CAMTA1: variants seen among roughly 807,000 people sequenced by gnomAD.
The protein encoded by CAMTA1 is calmodulin binding transcription activator 1.
A neutral mutation model predicts 170.9 loss-of-function variants in CAMTA1; 27 were observed. The observed-to-expected ratio is 0.16, with a 90% CI of 0.12 to 0.22. CAMTA1 has a LOEUF of 0.22. CAMTA1 is among the 10% of genes least tolerant of loss of function. The pLI, the probability that CAMTA1 is intolerant of heterozygous loss-of-function variation, is 1.00. For missense variants in CAMTA1, 1,619 were observed against 2,217.2 expected, an observed-to-expected ratio of 0.73 and a Z score of 5.42; for synonymous variants, 833 against 891.5, an observed-to-expected ratio of 0.93 and a Z score of 1.17.
intron 5 of CAMTA1, among the ~76,000 whole-genome samples, chr1:7,374,869 A>G (rs2086728755): frequency 6.6e-6 from 1 of 152,212 alleles, no homozygotes; most frequent in African/African-American, 2.4e-5. Context: ...TCGCAGAGCT[A>G]GTCGGCAGCG....
chr1:6,851,238 C>T (rs953349908), intron 3 of CAMTA1, among the ~76,000 whole-genome samples: 1 of 152,052 alleles, frequency 6.6e-6, no homozygotes, highest in Non-Finnish European at 1.5e-5. Flanking sequence ...CCACCCCCTC[C>T]CCAGTAGAAA....
chr1:7,686,025 C>A (rs755279094), intron 11 of CAMTA1, among the ~76,000 whole-genome samples: 1 of 152,206 alleles, frequency 6.6e-6, no homozygotes, highest in Non-Finnish European at 1.5e-5. Flanking sequence ...TCTGCCACCA[C>A]CTTAATTCAG....
chr1:7,450,358 T>TA (rs1009247400), intron 5 of CAMTA1, among the ~76,000 whole-genome samples: 4 of 152,208 alleles, frequency 2.6e-5, no homozygotes, highest in African/African-American at 9.7e-5. Flanking sequence ...GAGACTTCCC[T>TA]AAAAATCCAG....
chr1:6,964,091 G>A (rs544198492), intron 3 of CAMTA1, among the ~76,000 whole-genome samples: 1 of 152,212 alleles, frequency 6.6e-6, no homozygotes, highest in East Asian at 1.9e-4. Context: ...GCAGTGTCCT[G>A]GGTGCTTTGG....
chr1:7,542,819 C>T (rs1246132550), intron 6 of CAMTA1, among the ~76,000 whole-genome samples: 3 of 146,816 alleles, frequency 2.0e-5, no homozygotes, highest in Non-Finnish European at 4.5e-5. Context: ...TGTAAGCCAC[C>T]ACGCCTGGCC....
chr1:7,287,227 G>C (rs1199866808), intron 5 of CAMTA1, among the ~76,000 whole-genome samples: 1 of 152,142 alleles, frequency 6.6e-6, no homozygotes, highest in Admixed American at 6.5e-5. Context: ...GAGCAGCCAG[G>C]GGGAGACAGG....
At chr1:7,755,974 C>T (rs962150004) in intron 22 of CAMTA1, among the ~76,000 whole-genome samples, 1 of 152,138 alleles carries the variant, frequency 6.6e-6, no homozygotes, top group Non-Finnish European at 1.5e-5. Context: ...GGCTGGCAGG[C>T]CACGTACACG....
intron 3 of CAMTA1, among the ~76,000 whole-genome samples, chr1:6,873,267 T>A (rs965959903): frequency 1.4e-4 from 21 of 151,888 alleles, no homozygotes; most frequent in South Asian, 8.3e-4. Flanking sequence ...TTTTTTTTTT[T>A]AAATAATGCT....
At chr1:7,355,321 G>A (rs749481094) in intron 5 of CAMTA1, among the ~76,000 whole-genome samples, 1 of 151,856 alleles carries the variant, frequency 6.6e-6, no homozygotes, top group South Asian at 2.1e-4. Context: ...GGGGGTCAAG[G>A]CTGCAGTGAG....
chr1:7,270,272 C>T (rs796990168), intron 5 of CAMTA1, among the ~76,000 whole-genome samples: 451 of 36,422 alleles, frequency 0.012, 1 homozygote, highest in African/African-American at 0.035. Context: ...CACACACACA[C>T]ACATATATAT....
At chr1:6,949,766 A>G (rs1214757311) in intron 3 of CAMTA1, among the ~76,000 whole-genome samples, 1 of 152,268 alleles carries the variant, frequency 6.6e-6, no homozygotes, top group Non-Finnish European at 1.5e-5. Context: ...AAAAGATGAC[A>G]TTAACGTTGC....
chr1:7,387,819 T>A (rs982029363), intron 5 of CAMTA1, among the ~76,000 whole-genome samples: 1 of 152,218 alleles, frequency 6.6e-6, no homozygotes, highest in African/African-American at 2.4e-5. Context: ...TCCAGCAAGA[T>A]CTGTCTTCTT....
intron 3 of CAMTA1, among the ~76,000 whole-genome samples, chr1:6,884,976 T>C (rs921600998): frequency 6.6e-6 from 1 of 152,246 alleles, no homozygotes; most frequent in African/African-American, 2.4e-5. Flanking sequence ...GCTTACTCAT[T>C]ACATACATTT....
intron 6 of CAMTA1, among the ~76,000 whole-genome samples, chr1:7,531,220 C>T (rs999490483): frequency 1.3e-5 from 2 of 152,020 alleles, no homozygotes; most frequent in African/African-American, 2.4e-5. Flanking sequence ...AGTAAAGTCC[C>T]GGTGAGAGCA....
Position 7,641,950 on chromosome 1 carries a change from C to G in CAMTA1, c.664+1397C>G, listed in dbSNP as rs1428156638. Among the ~76,000 whole-genome samples the G allele has an allele frequency of 6.6e-6, 1 of 152,110 alleles. No homozygotes were observed. The highest frequency in any genetic ancestry group is 6.5e-5 in the Admixed American group (1 of 15,280). ...CTCCTGAGCACAGCCTGCAGCCCCC[C>G]CACCCGCAGCCCCCGGCCTCTGCAG... On this transcript the variant is annotated intron_variant, in intron 7 of 22. Coordinates refer to ENST00000303635, the MANE Select transcript of CAMTA1 (RefSeq NM_015215.4). The surrounding 1 kb of genome is among the most constrained non-coding windows in gnomAD (Gnocchi z 4.5).
At chr1:7,688,411 G>A (rs1352860536) in intron 11 of CAMTA1, among the ~76,000 whole-genome samples, 5 of 152,138 alleles carry the variant, frequency 3.3e-5, no homozygotes, top group Admixed American at 2.0e-4. Flanking sequence ...CAGAGAGACC[G>A]GTCAGGGAAT....
At chr1:7,119,218 T>G (rs1644505066) in intron 4 of CAMTA1, among the ~76,000 whole-genome samples, 1 of 152,144 alleles carries the variant, frequency 6.6e-6, no homozygotes, top group South Asian at 2.1e-4. Flanking sequence ...TTTGGTGCAG[T>G]CTCTCCCCAA....
chr1:7,064,153 C>CCCT lies in CAMTA1; in HGVS notation c.235-27140_235-27138dup, dbSNP rs1209006238. Among the ~76,000 whole-genome samples, 1 of 150,562 alleles carries CCCT rather than the reference C, an allele frequency of 6.6e-6. No individual in the cohort carries two copies. Among genetic ancestry groups the CCCT allele is most frequent in the African/African-American group, 2.4e-5 (1 of 40,908 alleles). On this transcript the variant is annotated intron_variant, in intron 3 of 22. Transcript: ENST00000303635. This position sits in a 1 kb window ranked among gnomAD's most constrained non-coding sequence, Gnocchi z 5.4. ...TTCTCCTCCTCCTCCTTCTCTTCTT[C>CCCT]CCTCCTCCTCCTCTTCCTTCTTCTT...
At chr1:7,446,924 G>A (rs993424864) in intron 5 of CAMTA1, among the ~76,000 whole-genome samples, 1 of 152,184 alleles carries the variant, frequency 6.6e-6, no homozygotes, top group Non-Finnish European at 1.5e-5. Flanking sequence ...GGCAGGACAT[G>A]TGGCAGCCAC....
Sources: allele counts gnomAD v4.1 joint callset (sites outside exome capture counted in the v4.1 genomes callset), GRCh38; gene constraint gnomAD v4.1.1; non-coding constraint Gnocchi (gnomAD v3.1); transcripts MANE v1.5; gene names NCBI Gene and HGNC (gene_info 2026-07-23, HGNC 2026-07-21).